Variants in XRCC5 observed in about 807,000 individuals in gnomAD.
XRCC5 encodes the protein DNA repair protein Ku80.
In XRCC5, 12 loss-of-function variants were observed where a neutral mutation model predicts 95.7. That is an observed-to-expected ratio of 0.13 (90% CI 0.08 to 0.20). The LOEUF (loss-of-function observed/expected upper bound fraction) is 0.20. XRCC5 is among the 10% of genes least tolerant of loss of function. The pLI is 1.00. For missense variants in XRCC5, 595 were observed against 873.9 expected (o/e 0.68, Z 4.02); for synonymous variants, 281 against 290.3 (o/e 0.97, Z 0.33).
chr2:216,205,241 C>T lies in XRCC5; in HGVS notation c.*39C>T. 1.2e-6 allele frequency: 2 copies of T among 1,613,686 alleles called. No individual in the cohort carries two copies. Among genetic ancestry groups the T allele is most frequent in the Non-Finnish European group, 1.7e-6 (2 of 1,179,622 alleles). ...GGGGAATCTAAGAGAGCTGCCATCG[C>T]TGTGATGCTGGGAGTTCTAACAAAA... On this transcript the variant is annotated 3_prime_UTR_variant, in exon 21 of 21. Transcript: ENST00000392132.
At chr2:216,144,951 G>A (rs1688594516) in intron 13 of XRCC5, among the ~76,000 whole-genome samples, 1 of 152,200 alleles carries the variant, frequency 6.6e-6, no homozygotes. Flanking sequence ...AAAAATCAGC[G>A]AGGTAGAAAA....
chr2:216,187,739 C>T (rs1341129425), intron 16 of XRCC5, among the ~76,000 whole-genome samples: 2 of 147,112 alleles, frequency 1.4e-5, no homozygotes, highest in African/African-American at 5.0e-5. Flanking sequence ...ACAACTCTTT[C>T]CTTTAAATAA....
intron 19 of XRCC5, among the ~76,000 whole-genome samples, 157 bp downstream of exon 19, chr2:216,195,143 G>A (rs1689690920): frequency 6.6e-6 from 1 of 152,156 alleles, no homozygotes; most frequent in African/African-American, 2.4e-5. Flanking sequence ...CCCCATGGGA[G>A]AAATTATAAT....
At chr2:216,138,666 A>T (rs1697126966) in intron 12 of XRCC5, among the ~76,000 whole-genome samples, 2 of 152,182 alleles carry the variant, frequency 1.3e-5, no homozygotes, top group South Asian at 4.1e-4. Flanking sequence ...TTCAGGCTTG[A>T]TGTGAAAGCT....
At chr2:216,115,450 G>A (rs1346695887) in intron 2 of XRCC5, among the ~76,000 whole-genome samples, 1 of 152,176 alleles carries the variant, frequency 6.6e-6, no homozygotes. Flanking sequence ...TGTCTAGGCG[G>A]CAGATACCTG....
Position 216,160,056 on chromosome 2 carries a change from T to C in XRCC5, c.1671-12T>C. 1 of 1,557,990 alleles carries C rather than the reference T, an allele frequency of 6.4e-7. No individual in the cohort carries two copies. The highest frequency in any genetic ancestry group is 8.7e-7 in the Non-Finnish European group (1 of 1,151,534). ...TGTTTGTTCTAAGAGAAATTTTTTT[T>C]TTCTTTTCTAGCCATGAAGATGGAC... On this transcript the variant is annotated splice_polypyrimidine_tract_variant and intron_variant, in intron 14 of 20. Coordinates refer to ENST00000392132, the MANE Select transcript of XRCC5 (RefSeq NM_021141.4).
intron 2 of XRCC5, among the ~76,000 whole-genome samples, chr2:216,115,650 G>A (rs998881970): frequency 1.3e-5 from 2 of 148,582 alleles, no homozygotes; most frequent in African/African-American, 5.3e-5. Flanking sequence ...AAAGGCTTAT[G>A]TTAATAATTA....
Position 216,130,876 on chromosome 2 carries a change from G to A in XRCC5, c.939G>A (p.Gly313=). 6.2e-7 allele frequency: 1 copy of A among 1,601,832 alleles called. No homozygotes were observed. Among genetic ancestry groups the A allele is most frequent in the South Asian group, 1.1e-5 (1 of 88,338 alleles). The change falls in exon 9 of 21, where the codon GGG becomes GGA. Residue 313 remains glycine, a splice_region_variant and synonymous_variant. Coordinates refer to ENST00000392132, the MANE Select transcript of XRCC5 (RefSeq NM_021141.4). ...AGATGCTCTTCTCTTTTTCTCCAGG[G>A]TTCCGCTATGGAAGTGATATAGTTC... ...TEVLKEDIIQ[G]FRYGSDIVPF...
At chr2:216,193,989 G>A (rs1689667623) in intron 18 of XRCC5, among the ~76,000 whole-genome samples, 2 of 152,276 alleles carry the variant, frequency 1.3e-5, no homozygotes, top group South Asian at 4.1e-4. Context: ...TGAAGACCAT[G>A]TTTTCTTCCT....
rs751938865 is a variant in XRCC5 at position 216,113,064 on chromosome 2, A to C, written c.70A>C (p.Ile24Leu). The change falls in exon 2 of 21, where the codon ATT becomes CTT. Residue 24 changes from isoleucine (I) to leucine (L), a missense_variant. Coordinates refer to ENST00000392132, the MANE Select transcript of XRCC5 (RefSeq NM_021141.4). ...MDVGFTMSNS[I>L]PGIESPFEQA... ...CGTGGGCTTTACCATGAGTAACTCC[A>C]TTCCTGGTATAGAATCCCCATTTGA... The C allele has an allele frequency of 1.2e-6, 2 of 1,614,056 alleles. No homozygotes were observed. Among genetic ancestry groups the C allele is most frequent in the Admixed American group, 3.3e-5 (2 of 60,008 alleles).
intron 14 of XRCC5, chr2:216,156,341 A>G: frequency 1.5e-6 from 1 of 686,104 alleles, no homozygotes; most frequent in Non-Finnish European, 2.8e-6. Context: ...TACCTTTCTG[A>G]AACAGTCTCT....
At chr2:216,150,977 A>G (rs1688732857) in intron 14 of XRCC5, among the ~76,000 whole-genome samples, 1 of 152,222 alleles carries the variant, frequency 6.6e-6, no homozygotes, top group Admixed American at 6.5e-5. Context: ...AGAATTTTTC[A>G]GTTTCATTAT....
At chr2:216,182,721 A>G (rs1406293513) in intron 16 of XRCC5, among the ~76,000 whole-genome samples, 2 of 152,174 alleles carry the variant, frequency 1.3e-5, no homozygotes, top group Non-Finnish European at 2.9e-5. Flanking sequence ...TCAATATTCT[A>G]CTTTAAGTGT....
At chr2:216,193,639 T>C (rs1689660604) in intron 18 of XRCC5, among the ~76,000 whole-genome samples, 1 of 152,242 alleles carries the variant, frequency 6.6e-6, no homozygotes, top group South Asian at 2.1e-4. Context: ...AAATCACTTT[T>C]GTGTCTCTGC....
intron 5 of XRCC5, among the ~76,000 whole-genome samples, chr2:216,120,075 C>T (rs1282534326): frequency 6.6e-6 from 1 of 151,442 alleles, no homozygotes; most frequent in Non-Finnish European, 1.5e-5. Flanking sequence ...GAGTAGTCTT[C>T]TCTTAAGACT....
chr2:216,175,930 C>T (rs768378344), intron 16 of XRCC5: 15 of 380,682 alleles, frequency 3.9e-5, no homozygotes, highest in South Asian at 3.1e-4. Context: ...TTCTCAGCCG[C>T]GCTGGATTCC....
At chr2:216,168,749 T>G (rs968930321) in intron 16 of XRCC5, among the ~76,000 whole-genome samples, 1 of 152,234 alleles carries the variant, frequency 6.6e-6, no homozygotes, top group African/African-American at 2.4e-5. Flanking sequence ...TTATTTCTTA[T>G]AAAGGGTTAC....
chr2:216,180,270 G>A (rs561113485), intron 16 of XRCC5, among the ~76,000 whole-genome samples: 118 of 152,324 alleles, frequency 7.7e-4, no homozygotes, highest in African/African-American at 2.8e-3. Flanking sequence ...TTCAGCAAAG[G>A]CAATAGGATG....
At chr2:216,164,396 G>A (rs41301718) in intron 16 of XRCC5, among the ~76,000 whole-genome samples, 1,557 of 152,312 alleles carry the variant, frequency 0.01, 10 homozygotes, top group Admixed American at 0.015. Context: ...AAGGCATTGT[G>A]CTAGCACTTT....
Sources: allele counts gnomAD v4.1 joint callset (sites outside exome capture counted in the v4.1 genomes callset), GRCh38; gene constraint gnomAD v4.1.1; transcripts MANE v1.5; gene names NCBI Gene and HGNC (gene_info 2026-07-23, HGNC 2026-07-21).